XPC: variants seen among roughly 807,000 people sequenced by gnomAD.
XPC encodes the protein DNA repair protein complementing XP-C cells.
XPC carries 76 observed loss-of-function variants against 95.8 expected under a neutral mutation model. The observed-to-expected ratio is 0.79, with a 90% CI of 0.66 to 0.96. XPC has a LOEUF of 0.96. Ranked by LOEUF, XPC falls within the 40% of genes least tolerant of loss-of-function variation. The pLI is 0.00. For missense variants in XPC, 1,146 were observed against 1,179.8 expected, an observed-to-expected ratio of 0.97 and a Z score of 0.42; for synonymous variants, 442 against 442.1, an observed-to-expected ratio of 1.00 and a Z score of 0.00.
At chr3:14,174,538 TA>T (rs1574978944) in intron 1 of XPC, among the ~76,000 whole-genome samples, 1 of 152,134 alleles carries the variant, frequency 6.6e-6, no homozygotes, top group Non-Finnish European at 1.5e-5. Context: ...GTAGAGGAGT[TA>T]AAAGGGAAAG....
chr3:14,170,415 G>A (rs375368091), intron 3 of XPC, 23 bp downstream of exon 3: 14 of 1,606,442 alleles, frequency 8.7e-6, no homozygotes, highest in Middle Eastern at 1.6e-4. Context: ...AAACAGTTCT[G>A]AAAACAAAGA....
At chr3:14,147,662 C>G (rs1316358282) in intron 14 of XPC, 1 of 594,888 alleles carries the variant, frequency 1.7e-6, no homozygotes, top group African/African-American at 1.9e-5. Flanking sequence ...AAGACAGAGG[C>G]AGGTGTGGGC....
intron 5 of XPC, 46 bp from the exon 6 acceptor site, chr3:14,165,631 A>G: frequency 6.2e-7 from 1 of 1,602,278 alleles, no homozygotes; most frequent in Non-Finnish European, 8.5e-7. Flanking sequence ...GGAAGGCCGG[A>G]CACCAGGAGG....
chr3:14,163,985 G>A (rs1696267785), intron 7 of XPC, among the ~76,000 whole-genome samples: 1 of 152,212 alleles, frequency 6.6e-6, no homozygotes, highest in African/African-American at 2.4e-5. Context: ...GGAGGTGGAG[G>A]TTGCAGTGAG....
chr3:14,146,327 C>A (rs1381373135), intron 15 of XPC, among the ~76,000 whole-genome samples, 168 bp from the exon 16 acceptor site: 1 of 151,932 alleles, frequency 6.6e-6, no homozygotes, highest in East Asian at 1.9e-4. Flanking sequence ...CTTACTGAGC[C>A]GTCCCAGCCT....
intron 9 of XPC, 43 bp from the exon 10 acceptor site, chr3:14,156,538 G>A (rs1422152863): frequency 6.2e-7 from 1 of 1,612,936 alleles, no homozygotes; most frequent in East Asian, 2.2e-5. Flanking sequence ...TTATTTAGAA[G>A]AGGAAATGAA....
chr3:14,149,096 T>G, intron 11 of XPC, 148 bp from the exon 12 acceptor site: 4 of 1,194,838 alleles, frequency 3.3e-6, no homozygotes, highest in Non-Finnish European at 4.6e-6. Context: ...TCCCTTTTTT[T>G]TTTTTGAGAC....
intron 15 of XPC, among the ~76,000 whole-genome samples, chr3:14,147,057 A>T (rs1425957420): frequency 1.3e-5 from 2 of 152,128 alleles, no homozygotes; most frequent in Non-Finnish European, 2.9e-5. Context: ...GACAGTAGAA[A>T]CGGGGACACT....
chr3:14,176,743 A>C (rs761697124), intron 1 of XPC, among the ~76,000 whole-genome samples: 1 of 152,216 alleles, frequency 6.6e-6, no homozygotes, highest in Non-Finnish European at 1.5e-5. Context: ...TACCTAGTCT[A>C]ATCTACCCAG....
At position 14,171,229 on chromosome 3, in the gene XPC, T is replaced by G. The variant is rs3731075; in HGVS notation, c.300-679A>C. The stretch of plus-strand genomic sequence containing the variant: ...CAGTTACTTTTAACTTGTGTAAACT[T>G]TGGCACTTGGTACCAAGTGAGAATA... On this transcript the variant is annotated intron_variant, in intron 2 of 15. Coordinates refer to ENST00000285021, the MANE Select transcript of XPC (RefSeq NM_004628.5). 4.8e-3 allele frequency among the ~76,000 whole-genome samples: 727 copies of G among 152,334 alleles called. 3 individuals carry two copies. The highest frequency in any genetic ancestry group is 8.0e-3 in the Non-Finnish European group (541 of 68,020).
chr3:14,168,462 T>C (rs1436484924), intron 3 of XPC, 82 bp from the exon 4 acceptor site: 2 of 1,550,384 alleles, frequency 1.3e-6, no homozygotes, highest in Non-Finnish European at 1.8e-6. Flanking sequence ...AAGGTTCTGC[T>C]GGGAAGGAGG....
At chr3:14,166,204 C>A (rs570022133) in intron 5 of XPC, among the ~76,000 whole-genome samples, 20 of 152,034 alleles carry the variant, frequency 1.3e-4, no homozygotes, top group Non-Finnish European at 2.5e-4. Flanking sequence ...TTGGCTTCCT[C>A]CCCCCCGACT....
Position 14,158,156 on chromosome 3 carries a change from C to T in XPC, c.1727G>A (p.Gly576Asp). 2 of 1,613,966 alleles carry T rather than the reference C, an allele frequency of 1.2e-6. No homozygotes were observed. The highest frequency in any genetic ancestry group is 2.2e-5 in the South Asian group (2 of 91,078). ...CCTCTGTGTGACATCTCGGACCCAGCCGTCACTGTCAATGCCCACCACATA... is the reference window on the plus strand; with the variant it reads ...CCTCTGTGTGACATCTCGGACCCAGTCGTCACTGTCAATGCCCACCACATA... ...MTYVVGIDSDGWVRDVTQRYD... is the reference protein window; with the variant it reads ...MTYVVGIDSDDWVRDVTQRYD... The change falls in exon 9 of 16, where the codon GGC becomes GAC. Residue 576 changes from glycine to aspartate, a missense_variant. Transcript: ENST00000285021. This position sits in a 1 kb window ranked among gnomAD's most constrained non-coding sequence, Gnocchi z 5.2.
chr3:14,176,956 C>T (rs758781570), intron 1 of XPC, among the ~76,000 whole-genome samples: 11 of 152,144 alleles, frequency 7.2e-5, no homozygotes, highest in East Asian at 1.9e-4. Flanking sequence ...AAAAATTAGC[C>T]GGACATGGTG....
chr3:14,148,462 C>G, intron 13 of XPC, 100 bp downstream of exon 13: 1 of 1,487,032 alleles, frequency 6.7e-7, no homozygotes, highest in Non-Finnish European at 9.0e-7. Flanking sequence ...AGCCACCAGG[C>G]CTCAACTCCC....
In XPC at chr3:14,178,327, C is replaced by A. The variant is rs562259220; in HGVS notation, c.103+139G>T. On this transcript the variant is annotated intron_variant, in intron 1 of 15. Transcript: ENST00000285021. ...GGACAGCGGGGAGGGCCGGCCGCAG[C>A]CTGCCGGGCTGCCCCCACGGCGCGG... 1.3e-4 allele frequency: 126 copies of A among 1,001,068 alleles called. No individual in the cohort carries two copies. In the African/African-American group the frequency reaches 2.1e-3, roughly 16 times the overall value. 62.0% of individuals were successfully genotyped at this position (1,001,068 alleles called of 1,614,324 possible).
intron 9 of XPC, 129 bp from the exon 10 acceptor site, chr3:14,156,624 G>T: frequency 7.9e-7 from 1 of 1,269,770 alleles, no homozygotes; most frequent in Non-Finnish European, 1.1e-6. Flanking sequence ...AACACTAATG[G>T]TTTTGTAACA....
At chr3:14,152,532 G>A in intron 10 of XPC, 116 bp from the exon 11 acceptor site, 2 of 953,920 alleles carry the variant, frequency 2.1e-6, no homozygotes, top group South Asian at 1.8e-5. Context: ...CCACCCTGGA[G>A]CAGGCCGAGC....
intron 1 of XPC, among the ~76,000 whole-genome samples, chr3:14,173,976 G>T (rs903252932): frequency 6.6e-6 from 1 of 151,994 alleles, no homozygotes; most frequent in Non-Finnish European, 1.5e-5. Context: ...TAATAATTCA[G>T]TCTTTTCATT....
Sources: gnomAD v4.1 joint callset for allele counts (sites outside exome capture counted in the v4.1 genomes callset) on GRCh38, gnomAD v4.1.1 for gene constraint, Gnocchi (gnomAD v3.1) non-coding constraint, MANE v1.5 for transcripts, NCBI Gene and HGNC (gene_info 2026-07-23, HGNC 2026-07-21) for gene names.